FHAD1: variants seen among roughly 807,000 people sequenced by gnomAD.
The protein encoded by FHAD1 is forkhead associated phosphopeptide binding domain 1.
A neutral mutation model predicts 191.3 loss-of-function variants in FHAD1; 146 were observed. That is an observed-to-expected ratio of 0.76 (90% CI 0.67 to 0.88). The LOEUF (loss-of-function observed/expected upper bound fraction) is 0.88, where lower values mean the gene tolerates loss of function less well. FHAD1 is among the 40% of genes least tolerant of loss of function. FHAD1 has a pLI of 0.00. For synonymous variants in FHAD1, 616 were observed against 672.3 expected (o/e 0.92, Z 1.29); for missense variants, 1,635 against 1,785.8 (o/e 0.92, Z 1.52).
At chr1:15,286,064 A>C (rs1471073121) in intron 3 of FHAD1, among the ~76,000 whole-genome samples, 2 of 152,248 alleles carry the variant, frequency 1.3e-5, no homozygotes, top group Non-Finnish European at 2.9e-5. Flanking sequence ...AGGGAGAGTT[A>C]TTTAATGAGA....
At position 15,311,482 on chromosome 1, in the gene FHAD1, AG is replaced by A. The variant is rs1259204308; in HGVS notation, c.1040-1573del. ...TCAAGCCAAATTCATTCTAGAGAAA[AG>A]GTCACTCTGGTCCCGCCTCACAAAG... On this transcript the variant is annotated intron_variant, in intron 7 of 33. Transcript: ENST00000688493. The surrounding 1 kb of genome is among the most constrained non-coding windows in gnomAD (Gnocchi z 4.1). 6.6e-6 allele frequency among the ~76,000 whole-genome samples: 1 copy of A among 152,186 alleles called. No individual in the cohort carries two copies. Among genetic ancestry groups the A allele is most frequent in the African/African-American group, 2.4e-5 (1 of 41,460 alleles).
intron 25 of FHAD1, among the ~76,000 whole-genome samples, chr1:15,368,239 G>A (rs1279087506): frequency 6.6e-6 from 1 of 152,150 alleles, no homozygotes; most frequent in Admixed American, 6.6e-5. Context: ...CTCCCAAAGT[G>A]CTGGGATTAC....
Position 15,289,523 on chromosome 1 carries a change from C to CA in FHAD1, c.426dup (p.Pro143ThrfsTer86), listed in dbSNP as rs1460765194. 2 of 1,551,916 alleles carry CA rather than the reference C, an allele frequency of 1.3e-6. No individual in the cohort carries two copies. Among genetic ancestry groups the CA allele is most frequent in the African/African-American group, 2.7e-5 (2 of 73,194 alleles). On this transcript the variant is annotated frameshift_variant, in exon 4 of 34. Coordinates refer to ENST00000688493, the MANE Select transcript of FHAD1 (RefSeq NM_001391957.1). LOFTEE classifies it high-confidence loss of function. This position sits in a 1 kb window ranked among gnomAD's most constrained non-coding sequence, Gnocchi z 4.2. ...CCCTTCCACCAAGGTGTCCAGCCAGCACCGATGCAAAGGAGCTGGTCCCAG... is the reference window on the plus strand; with the variant it reads ...CCCTTCCACCAAGGTGTCCAGCCAGCAACCGATGCAAAGGAGCTGGTCCCAG...
At chr1:15,395,639 C>A (rs899547938) in intron 33 of FHAD1, among the ~76,000 whole-genome samples, 2 of 152,180 alleles carry the variant, frequency 1.3e-5, no homozygotes, top group Admixed American at 6.5e-5. Context: ...AGGACGCCCC[C>A]TCCTTTGAGC....
chr1:15,255,386 C>T (rs536385938), intron 2 of FHAD1, among the ~76,000 whole-genome samples: 4 of 152,274 alleles, frequency 2.6e-5, no homozygotes, highest in African/African-American at 7.2e-5. Context: ...ATAAAAATCA[C>T]TTGTAATCAT....
At chr1:15,322,197 T>A (rs1307988894) in intron 10 of FHAD1, among the ~76,000 whole-genome samples, 2 of 152,198 alleles carry the variant, frequency 1.3e-5, no homozygotes, top group Admixed American at 1.3e-4. Flanking sequence ...GAGTGTGGGC[T>A]GTGTACTACC....
chr1:15,389,447 C>CAAAAAAAAAAAAAAAAAAAA lies in FHAD1; in HGVS notation c.4269+1318_4269+1337dup, dbSNP rs570569622. On this transcript the variant is annotated intron_variant, in intron 32 of 33. Coordinates refer to ENST00000688493, the MANE Select transcript of FHAD1 (RefSeq NM_001391957.1). ...TGAGCAACAGAGGAAGAACCTGTCT[C>CAAAAAAAAAAAAAAAAAAAA]AAAAAAAAAAAAAAAAAAAAACCTG... is the stretch of plus-strand genomic sequence containing the variant. Among the ~76,000 whole-genome samples, 348 of 54,132 alleles carry CAAAAAAAAAAAAAAAAAAAA rather than the reference C, an allele frequency of 6.4e-3. 23 individuals carry two copies. The highest frequency in any genetic ancestry group is 9.2e-3 in the East Asian group (17 of 1,846). The allele number at this position is 54,132 out of a possible 152,430, so 35.5% of individuals were successfully genotyped here.
intron 3 of FHAD1, among the ~76,000 whole-genome samples, chr1:15,278,504 C>T (rs1462249787): frequency 1.1e-5 from 1 of 93,050 alleles, no homozygotes; most frequent in African/African-American, 6.3e-5. Flanking sequence ...GACGGAGTCT[C>T]ACTCTGTTGC....
chr1:15,245,043 G>A (rs1645840733), upstream of FHAD1, among the ~76,000 whole-genome samples: 1 of 152,152 alleles, frequency 6.6e-6, no homozygotes, highest in South Asian at 2.1e-4. Flanking sequence ...GAGTGAGCGA[G>A]GGGGAGGTGC....
chr1:15,388,856 G>C (rs1703037392), intron 32 of FHAD1, among the ~76,000 whole-genome samples: 1 of 152,204 alleles, frequency 6.6e-6, no homozygotes, highest in Non-Finnish European at 1.5e-5. Context: ...TTTAAGAACA[G>C]CCTTCGTGGG....
rs1331114701 is a variant in FHAD1, at chr1:15,285,406, G to C, written c.301-3993G>C. On this transcript the variant is annotated intron_variant, in intron 3 of 33. Transcript: ENST00000688493. ...AAATTAGCTGGGCGTGGTGGCACAT[G>C]CCTATAATGCCAGCTACTTGGGAGG... is the stretch of plus-strand genomic sequence containing the variant. 2.6e-5 allele frequency among the ~76,000 whole-genome samples: 4 copies of C among 152,272 alleles called. No homozygotes were observed. The East Asian group carries it at 7.7e-4, about 29-fold the overall frequency.
Position 15,251,804 on chromosome 1 carries a change from G to C in FHAD1, c.20G>C (p.Ser7Thr). The C allele has an allele frequency of 6.4e-7, 1 of 1,552,144 alleles. No individual in the cohort carries two copies. The highest frequency in any genetic ancestry group is 8.7e-7 in the Non-Finnish European group (1 of 1,147,094). The change falls in exon 2 of 34, where the codon AGC becomes ACC. Residue 7 changes from serine (S) to threonine (T), a missense_variant. Coordinates refer to ENST00000688493, the MANE Select transcript of FHAD1 (RefSeq NM_001391957.1). MKAYLK[S>T]AEGFFVLNKS... ...GAGAGGATGAAGGCCTATCTAAAGA[G>C]CGCAGAAGGCTTTTTTGTCCTAAAT...
chr1:15,328,075 G>T, intron 12 of FHAD1: 2 of 370,674 alleles, frequency 5.4e-6, no homozygotes, highest in Non-Finnish European at 9.6e-6. Flanking sequence ...GAGAATCTCT[G>T]ATTCTGGGAC....
At chr1:15,284,617 C>G (rs1352176003) in intron 3 of FHAD1, among the ~76,000 whole-genome samples, 2 of 152,166 alleles carry the variant, frequency 1.3e-5, no homozygotes, top group African/African-American at 4.8e-5. Context: ...GGGCAAACTC[C>G]CTTGGCGTTT....
At chr1:15,362,042 T>C (rs1246899975) in intron 22 of FHAD1, among the ~76,000 whole-genome samples, 1 of 145,698 alleles carries the variant, frequency 6.9e-6, no homozygotes, top group Non-Finnish European at 1.5e-5. Context: ...AGCTGGGACC[T>C]GAAGGGTGAC....
intron 1 of FHAD1, among the ~76,000 whole-genome samples, chr1:15,240,224 G>C (rs1645194876): frequency 6.6e-6 from 1 of 152,178 alleles, no homozygotes; most frequent in East Asian, 1.9e-4. Flanking sequence ...TTCCAGAAAG[G>C]CCCACATGGC....
chr1:15,397,275 T>C (rs1408145071), intron 33 of FHAD1, 22 bp from the exon 34 acceptor site: 1 of 1,280,050 alleles, frequency 7.8e-7, no homozygotes, highest in Non-Finnish European at 1.1e-6. Flanking sequence ...AGTTTGTGTG[T>C]TTTTTCTCTT....
At position 15,388,103 on chromosome 1, in the gene FHAD1, A is replaced by G. The variant is rs1315301122; in HGVS notation, c.4241A>G (p.Asn1414Ser). The change falls in exon 32 of 34, where the codon AAC becomes AGC. Residue 1414 changes from asparagine (N) to serine (S), a missense_variant. Transcript: ENST00000688493. ...AACGCAAAAGAATCGACACCTTGCAACTGTGCCTTCAAAGAGAAAGACAGG... is the reference window on the plus strand; with the variant it reads ...AACGCAAAAGAATCGACACCTTGCAGCTGTGCCTTCAAAGAGAAAGACAGG... ...LRNAKESTPC[N>S]CAFKEKDRQR... 7 of 1,289,796 alleles carry G rather than the reference A, an allele frequency of 5.4e-6. No individual in the cohort carries two copies. The highest frequency in any genetic ancestry group is 1.2e-5 in the South Asian group (1 of 81,032). The allele number at this position is 1,289,796 out of a possible 1,614,324, so 79.9% of individuals were successfully genotyped here. A position where few individuals can be genotyped will look rare whatever the true frequency, so the allele number is the denominator to read the frequency against.
At chr1:15,262,839 G>A (rs6687638) in intron 2 of FHAD1, among the ~76,000 whole-genome samples, 3 of 152,076 alleles carry the variant, frequency 2.0e-5, no homozygotes, top group Non-Finnish European at 2.9e-5. Flanking sequence ...TGGCATTGCC[G>A]GATCATATGG....
Sources: gnomAD v4.1 joint callset for allele counts (sites outside exome capture counted in the v4.1 genomes callset) on GRCh38, gnomAD v4.1.1 for gene constraint, Gnocchi (gnomAD v3.1) non-coding constraint, MANE v1.5 for transcripts, NCBI Gene and HGNC (gene_info 2026-07-23, HGNC 2026-07-21) for gene names.